The following SLC16A7 variants were observed in gnomAD, a reference collection of about 807,000 sequenced individuals.
SLC16A7 encodes the protein solute carrier family 16 member 7.
Under a neutral mutation model 34.9 loss-of-function variants are expected in SLC16A7, and 33 were observed. The ratio of observed to expected loss-of-function variants is 0.94; its 90% CI spans 0.72 to 1.26. The LOEUF (loss-of-function observed/expected upper bound fraction) is 1.26, where lower values mean the gene tolerates loss of function less well. Among genes scored for constraint, SLC16A7 ranks in the 50% most tolerant of loss-of-function variants. SLC16A7 has a pLI of 0.00. For synonymous variants in SLC16A7, 201 were observed against 206.6 expected, an observed-to-expected ratio of 0.97 and a Z score of 0.23; for missense variants, 573 against 578.1, an observed-to-expected ratio of 0.99 and a Z score of 0.09.
chr12:59,617,465 C>A (rs753157216), intron 1 of SLC16A7, among the ~76,000 whole-genome samples: 3 of 152,004 alleles, frequency 2.0e-5, no homozygotes, highest in Non-Finnish European at 4.4e-5. Flanking sequence ...AAGGAAAGAT[C>A]TTTGTCTTTA....
In SLC16A7 at chr12:59,779,480, T is replaced by C. The variant is rs139228340; in HGVS notation, c.1238T>C (p.Ile413Thr). ...TACATGTACATGTCCTGTGGGGCTA[T>C]TGTGGTAGCAGCAAGCGTGTGGCTG... ...YKYMYMSCGA[I>T]VVAASVWLLI... Residue 413 changes from isoleucine to threonine, a missense_variant, in exon 6 of 6, where the codon ATT becomes ACT. By Grantham distance (89) the Ile-to-Thr change is moderately conservative. Transcript: ENST00000547379. The C allele has an allele frequency of 4.3e-6, 7 of 1,611,836 alleles. No individual in the cohort carries two copies. The highest frequency in any genetic ancestry group is 2.5e-6 in the Non-Finnish European group (3 of 1,178,188).
intron 3 of SLC16A7, among the ~76,000 whole-genome samples, chr12:59,739,022 T>C (rs1223531540): frequency 1.4e-5 from 1 of 71,204 alleles, no homozygotes; most frequent in Admixed American, 1.1e-4. Context: ...TTTTTTTCAT[T>C]TATTTATTTA....
At chr12:59,606,464 T>A (rs1297720423) in intron 1 of SLC16A7, among the ~76,000 whole-genome samples, 1 of 152,210 alleles carries the variant, frequency 6.6e-6, no homozygotes, top group East Asian at 1.9e-4. Flanking sequence ...CATGCCAACA[T>A]AATTATTGAT....
intron 2 of SLC16A7, among the ~76,000 whole-genome samples, chr12:59,667,782 C>T (rs547988177): frequency 5.5e-4 from 84 of 152,312 alleles, no homozygotes; most frequent in African/African-American, 1.9e-3. Context: ...CAGAGGCCTT[C>T]GTGGCAGCCC....
intron 3 of SLC16A7, among the ~76,000 whole-genome samples, chr12:59,706,564 C>T (rs1368846695): frequency 6.6e-6 from 1 of 152,116 alleles, no homozygotes; most frequent in Non-Finnish European, 1.5e-5. Flanking sequence ...ACTTCTAACA[C>T]ACATTCTATG....
Position 59,713,453 on chromosome 12 carries a change from T to A in SLC16A7, c.217+8435T>A, listed in dbSNP as rs138318482. Among the ~76,000 whole-genome samples the A allele has an allele frequency of 1.4e-3, 213 of 152,390 alleles. 1 individual carries two copies. The highest frequency in any genetic ancestry group is 6.8e-3 in the Middle Eastern group (2 of 294). On this transcript the variant is annotated intron_variant, in intron 3 of 5. Transcript: ENST00000547379. Reference sequence around the variant, plus strand: ...AGGGCTCTGTAAAAATTGAAATTAATTTTTATATTTTCATATGCTGTGGGT... The same window carrying A: ...AGGGCTCTGTAAAAATTGAAATTAAATTTTATATTTTCATATGCTGTGGGT...
At chr12:59,612,553 T>A (rs1879247693) in intron 1 of SLC16A7, among the ~76,000 whole-genome samples, 1 of 152,218 alleles carries the variant, frequency 6.6e-6, no homozygotes, top group Non-Finnish European at 1.5e-5. Flanking sequence ...TTGTTACTTA[T>A]GCAAATTTCT....
At chr12:59,624,228 T>C (rs1879823254) in intron 1 of SLC16A7, among the ~76,000 whole-genome samples, 1 of 151,758 alleles carries the variant, frequency 6.6e-6, no homozygotes, top group Admixed American at 6.6e-5. Context: ...TTTACTCATA[T>C]CTCTTTTTTT....
intron 1 of SLC16A7, among the ~76,000 whole-genome samples, chr12:59,653,229 G>A (rs556275416): frequency 4.0e-5 from 6 of 151,618 alleles, no homozygotes; most frequent in Non-Finnish European, 8.9e-5. Flanking sequence ...CTAAAGTCAC[G>A]TTGTTAAAAG....
intron 3 of SLC16A7, among the ~76,000 whole-genome samples, chr12:59,753,302 C>T (rs1425234371): frequency 6.6e-6 from 1 of 152,184 alleles, no homozygotes. Flanking sequence ...TTAAAAGACA[C>T]AGACTGGCAA....
intron 3 of SLC16A7, among the ~76,000 whole-genome samples, chr12:59,750,485 A>C (rs1851225183): frequency 6.6e-6 from 1 of 152,238 alleles, no homozygotes; most frequent in Non-Finnish European, 1.5e-5. Context: ...GTCATTAGAG[A>C]AATGCAAATC....
intron 2 of SLC16A7, chr12:59,689,413 C>T (rs568814478): frequency 6.6e-6 from 1 of 152,070 alleles, no homozygotes; most frequent in East Asian, 1.9e-4. Context: ...GTCCATAGAT[C>T]AGGGAAACTT....
At chr12:59,779,396 A>G (rs1883063420) in intron 5 of SLC16A7, 27 bp from the exon 6 acceptor site, 2 of 1,528,994 alleles carry the variant, frequency 1.3e-6, no homozygotes, top group Non-Finnish European at 1.8e-6. Flanking sequence ...TATTATGCCA[A>G]CTTAAAAGAT....
chr12:59,771,997 A>G (rs1219668557), intron 4 of SLC16A7, among the ~76,000 whole-genome samples: 1 of 152,172 alleles, frequency 6.6e-6, no homozygotes, highest in Non-Finnish European at 1.5e-5. Context: ...GCACATATCT[A>G]TTGACTCAAA....
chr12:59,740,102 G>T (rs953567481), intron 3 of SLC16A7, among the ~76,000 whole-genome samples: 6 of 151,376 alleles, frequency 4.0e-5, no homozygotes, highest in Non-Finnish European at 8.8e-5. Flanking sequence ...TGGTGTTTTA[G>T]ACATGAAGTC....
intron 1 of SLC16A7, among the ~76,000 whole-genome samples, chr12:59,638,227 T>C (rs1249753385): frequency 1.3e-5 from 2 of 152,088 alleles, no homozygotes; most frequent in Admixed American, 6.6e-5. Context: ...TTTGGACTCT[T>C]TGTGTAGCAT....
intron 3 of SLC16A7, chr12:59,719,821 C>T (rs577349975): frequency 5.3e-6 from 2 of 375,600 alleles, no homozygotes; most frequent in South Asian, 1.5e-4. Context: ...TTGCACTTTC[C>T]AGGATTCTTC....
chr12:59,671,994 TGTATATATCCATATATCC>T lies in SLC16A7; in HGVS notation c.-31+16753_-31+16770del, dbSNP rs1869836787. Among the ~76,000 whole-genome samples the T allele has an allele frequency of 2.9e-4, 5 of 17,364 alleles. 1 individual carries two copies. Among genetic ancestry groups the T allele is most frequent in the African/African-American group, 1.4e-3 (4 of 2,946 alleles). The allele number at this position is 17,364 out of a possible 152,430, so 11.4% of individuals were successfully genotyped here. A position where few individuals can be genotyped will look rare whatever the true frequency, so the allele number is the denominator to read the frequency against. ...ATATCCATATATCCGTATATATATG[TGTATATATCCATATATCC>T]GTATATATGTGTATATATCGCATAT... On this transcript the variant is annotated intron_variant, in intron 2 of 5. Coordinates refer to ENST00000547379, the MANE Select transcript of SLC16A7 (RefSeq NM_001270623.2).
chr12:59,604,688 G>A (rs1878851670), intron 1 of SLC16A7, among the ~76,000 whole-genome samples: 1 of 152,192 alleles, frequency 6.6e-6, no homozygotes, highest in Non-Finnish European at 1.5e-5. Context: ...GCAGAGTAGA[G>A]CACAGAGGTG....
Sources: gnomAD v4.1 joint callset for allele counts (sites outside exome capture counted in the v4.1 genomes callset) on GRCh38, gnomAD v4.1.1 for gene constraint, MANE v1.5 for transcripts, NCBI Gene and HGNC (gene_info 2026-07-23, HGNC 2026-07-21) for gene names.